RNF220: variants seen among roughly 807,000 people sequenced by gnomAD.
RNF220 encodes the protein E3 ubiquitin-protein ligase RNF220.
A neutral mutation model predicts 67.1 loss-of-function variants in RNF220; 7 were observed. The ratio of observed to expected loss-of-function variants is 0.10; its 90% CI spans 0.06 to 0.20. RNF220 has a LOEUF of 0.20. Ranked by LOEUF, RNF220 falls within the 10% of genes least tolerant of loss-of-function variation. The pLI, the probability that RNF220 is intolerant of heterozygous loss-of-function variation, is 1.00. For synonymous variants in RNF220, 270 were observed against 283.2 expected (o/e 0.95, Z 0.47); for missense variants, 565 against 740.3 (o/e 0.76, Z 2.75).
At position 44,412,439 on chromosome 1, in the gene RNF220, T is replaced by C; in HGVS notation, c.342T>C (p.His114=). Residue 114 remains histidine, a synonymous_variant, in exon 2 of 15, where the codon CAT becomes CAC. Transcript: ENST00000361799. This position sits in a 1 kb window ranked among gnomAD's most constrained non-coding sequence, Gnocchi z 5.3. ...GCACCCCAATCAGTATGCTGAATCA[T>C]AGTGGTGTGGGGGCTTTCCGGCCCT... ...LDCTPISMLN[H]SGVGAFRPFA... 1.2e-6 allele frequency: 2 copies of C among 1,612,420 alleles called. No homozygotes were observed. Among genetic ancestry groups the C allele is most frequent in the Non-Finnish European group, 1.7e-6 (2 of 1,178,598 alleles).
Position 44,450,169 on chromosome 1 carries a change from A to G in RNF220, c.625+37447A>G, listed in dbSNP as rs553735478. The stretch of plus-strand genomic sequence containing the variant: ...GGTTGCAGTGAGCCGAGATTGCGCC[A>G]TTGCACTTCCAGCCTGGGCAACAAG... On this transcript the variant is annotated intron_variant, in intron 2 of 14. Transcript: ENST00000361799. 1.1e-4 allele frequency among the ~76,000 whole-genome samples: 17 copies of G among 152,218 alleles called. No individual in the cohort carries two copies. In the South Asian group the frequency reaches 3.3e-3, roughly 30 times the overall value.
Position 44,595,843 on chromosome 1 carries a change from A to G in RNF220, c.626-18322A>G, listed in dbSNP as rs185189582. 7.0e-3 allele frequency among the ~76,000 whole-genome samples: 1,057 copies of G among 152,004 alleles called. 21 individuals carry two copies. Among genetic ancestry groups the G allele is most frequent in the African/African-American group, 0.024 (991 of 41,432 alleles). On this transcript the variant is annotated intron_variant, in intron 2 of 14. Transcript: ENST00000361799. ...CAGTGGCGCAATCTCAGCTCACTGCAAGCTCCACCTCCCGGGTTCACGCCA... is the reference window on the plus strand; with the variant it reads ...CAGTGGCGCAATCTCAGCTCACTGCGAGCTCCACCTCCCGGGTTCACGCCA...
intron 2 of RNF220, among the ~76,000 whole-genome samples, chr1:44,526,230 C>G (rs1190841292): frequency 6.6e-6 from 1 of 152,196 alleles, no homozygotes; most frequent in Non-Finnish European, 1.5e-5. Context: ...ACTAGCAGAC[C>G]CTGACTAAGT....
rs555972541 is a variant in RNF220, at chr1:44,638,738, C to T, written c.1126+2576C>T. Among the ~76,000 whole-genome samples the T allele has an allele frequency of 9.2e-5, 14 of 152,302 alleles. 1 individual carries two copies. The highest frequency in any genetic ancestry group is 9.1e-4 in the Admixed American group (14 of 15,306). ...GGGACCTGTGGTTACTGAGGAGGAG[C>T]TCCAGATATCTCAGGCCTGGGAGTA... is the stretch of plus-strand genomic sequence containing the variant. On this transcript the variant is annotated intron_variant, in intron 8 of 14. Transcript: ENST00000361799.
At chr1:44,430,333 G>C (rs1650227079) in intron 2 of RNF220, among the ~76,000 whole-genome samples, 1 of 151,900 alleles carries the variant, frequency 6.6e-6, no homozygotes, top group African/African-American at 2.4e-5. Flanking sequence ...TGCTGGAACA[G>C]GAAAAGGATA....
chr1:44,593,447 C>T (rs1399000070), intron 2 of RNF220, among the ~76,000 whole-genome samples: 1 of 152,140 alleles, frequency 6.6e-6, no homozygotes, highest in African/African-American at 2.4e-5. Flanking sequence ...AATAACAGGC[C>T]AGGGTGGTGC....
intron 8 of RNF220, among the ~76,000 whole-genome samples, chr1:44,637,961 A>G (rs932123617): frequency 6.6e-6 from 1 of 152,238 alleles, no homozygotes; most frequent in Non-Finnish European, 1.5e-5. Flanking sequence ...GGCAGACTTG[A>G]AAGGCTGTTT....
intron 2 of RNF220, among the ~76,000 whole-genome samples, chr1:44,516,812 C>G (rs1346493240): frequency 6.6e-6 from 1 of 152,144 alleles, no homozygotes; most frequent in East Asian, 1.9e-4. Flanking sequence ...TTTGTCCTCT[C>G]CTGTCCCCAT....
chr1:44,500,573 G>A (rs535969299), intron 2 of RNF220, among the ~76,000 whole-genome samples: 24 of 152,348 alleles, frequency 1.6e-4, no homozygotes, highest in Admixed American at 7.8e-4. Flanking sequence ...CCCAATGAGC[G>A]TGTATGATAG....
chr1:44,631,142 C>T (rs539796455), intron 5 of RNF220, among the ~76,000 whole-genome samples: 1 of 152,320 alleles, frequency 6.6e-6, no homozygotes, highest in African/African-American at 2.4e-5. Context: ...TGGGTTCACC[C>T]AAATAATTCA....
chr1:44,561,393 C>T (rs1237793711), intron 2 of RNF220, among the ~76,000 whole-genome samples: 1 of 152,158 alleles, frequency 6.6e-6, no homozygotes, highest in Non-Finnish European at 1.5e-5. Flanking sequence ...GCCTGTAATC[C>T]CAGCTACTCG....
intron 2 of RNF220, among the ~76,000 whole-genome samples, chr1:44,595,311 C>A (rs141106351): frequency 6.6e-6 from 1 of 152,186 alleles, no homozygotes; most frequent in Non-Finnish European, 1.5e-5. Flanking sequence ...GGAGCCACAG[C>A]GACACCTACT....
intron 2 of RNF220, among the ~76,000 whole-genome samples, chr1:44,458,518 A>G (rs1032118710): frequency 2.0e-5 from 3 of 152,242 alleles, no homozygotes; most frequent in East Asian, 1.9e-4. Flanking sequence ...GCTATTTTAT[A>G]TAAAGCCTTA....
rs932310771 is a variant in RNF220, at chr1:44,598,832, C to T, written c.626-15333C>T. The stretch of plus-strand genomic sequence containing the variant: ...TATTTCGAGAGCTTCTACCCTTTGA[C>T]ACCCTTAGGGCCTCTGACTCTCACT... On this transcript the variant is annotated intron_variant, in intron 2 of 14. Transcript: ENST00000361799. Among the ~76,000 whole-genome samples the T allele has an allele frequency of 2.0e-5, 3 of 152,170 alleles. 1 individual carries two copies. In the East Asian group the frequency reaches 5.8e-4, roughly 29 times the overall value.
chr1:44,590,603 GC>G (rs1666046148), intron 2 of RNF220, among the ~76,000 whole-genome samples: 2 of 152,300 alleles, frequency 1.3e-5, no homozygotes, highest in African/African-American at 2.4e-5. Flanking sequence ...TTTGCCCCTG[GC>G]AGGCTCTGTT....
At chr1:44,487,062 C>G (rs1363096400) in intron 2 of RNF220, among the ~76,000 whole-genome samples, 1 of 152,130 alleles carries the variant, frequency 6.6e-6, no homozygotes, top group African/African-American at 2.4e-5. Context: ...CATCCAGGTG[C>G]GGTGGCTCAC....
intron 9 of RNF220, 35 bp downstream of exon 9, chr1:44,644,829 G>C (rs780877912): frequency 5.7e-6 from 9 of 1,572,832 alleles, no homozygotes; most frequent in Admixed American, 1.7e-5. Context: ...TGGTGGGGCT[G>C]ATAGGGCAGG....
At chr1:44,526,570 T>G (rs1444107272) in intron 2 of RNF220, among the ~76,000 whole-genome samples, 2 of 152,120 alleles carry the variant, frequency 1.3e-5, no homozygotes, top group Admixed American at 6.6e-5. Flanking sequence ...TCAGTACTCA[T>G]CCTTCCACCT....
At chr1:44,432,742 C>G (rs760910237) in intron 2 of RNF220, among the ~76,000 whole-genome samples, 3 of 152,084 alleles carry the variant, frequency 2.0e-5, no homozygotes, top group Non-Finnish European at 4.4e-5. Context: ...ACAAAACGCT[C>G]TGGTCTGCTT....
Sources: allele counts gnomAD v4.1 joint callset (sites outside exome capture counted in the v4.1 genomes callset), GRCh38; gene constraint gnomAD v4.1.1; non-coding constraint Gnocchi (gnomAD v3.1); transcripts MANE v1.5; gene names NCBI Gene and HGNC (gene_info 2026-07-23, HGNC 2026-07-21).